SCARF2: variants seen among roughly 807,000 people sequenced by gnomAD.
SCARF2 encodes scavenger receptor class F member 2.
A neutral mutation model predicts 73.4 loss-of-function variants in SCARF2; 39 were observed. The observed-to-expected ratio is 0.53, with a 90% CI of 0.41 to 0.69. SCARF2 has a LOEUF of 0.69. Among genes scored for constraint, SCARF2 ranks in the 30% least tolerant of loss-of-function variants. The pLI is 0.00. For synonymous variants in SCARF2, 605 were observed against 590.0 expected (o/e 1.03, Z -0.37); for missense variants, 1,148 against 1,303.5 (o/e 0.88, Z 1.84).
At chr22:20,436,371 C>T (rs919288619) in intron 1 of SCARF2, among the ~76,000 whole-genome samples, 10 of 152,274 alleles carry the variant, frequency 6.6e-5, no homozygotes, top group East Asian at 3.9e-4. Flanking sequence ...CGCCCTCCCC[C>T]TCTCCAGGCA....
chr22:20,430,322 G>T, intron 6 of SCARF2, 107 bp downstream of exon 6: 1 of 1,360,840 alleles, frequency 7.3e-7, no homozygotes, highest in Non-Finnish European at 1.0e-6. Flanking sequence ...AAGGGACCAA[G>T]GCTGAGGTGA....
At chr22:20,427,674 G>T in intron 9 of SCARF2, 124 bp from the exon 10 acceptor site, 1 of 1,118,586 alleles carries the variant, frequency 8.9e-7, no homozygotes, top group Non-Finnish European at 1.3e-6. Context: ...GACTGCAGGG[G>T]GCACAGGCAA....
chr22:20,437,266 C>G (rs2052710706), intron 1 of SCARF2, among the ~76,000 whole-genome samples: 1 of 152,242 alleles, frequency 6.6e-6, no homozygotes, highest in African/African-American at 2.4e-5. Flanking sequence ...AGCTTTTCCC[C>G]GTGGACTTCA....
chr22:20,430,818 G>T lies in SCARF2; in HGVS notation c.945C>A (p.Asp315Glu). Reference sequence around the variant, plus strand: ...CATAGAAACCGGTGGCGCAAGGCTGGTCGCACTTGGTTCCGTTCCAGCCGG... The same window carrying T: ...CATAGAAACCGGTGGCGCAAGGCTGTTCGCACTTGGTTCCGTTCCAGCCGG... Reference protein sequence around the residue: ...CEPGWNGTKCDQPCATGFYGE... With the variant: ...CEPGWNGTKCEQPCATGFYGE... The change falls in exon 5 of 11, where the codon GAC becomes GAA. Residue 315 changes from aspartate to glutamate, a missense_variant. Coordinates refer to ENST00000622235, the MANE Select transcript of SCARF2 (RefSeq NM_182895.5). 6.2e-7 allele frequency: 1 copy of T among 1,607,166 alleles called. No individual in the cohort carries two copies. Among genetic ancestry groups the T allele is most frequent in the South Asian group, 1.1e-5 (1 of 90,224 alleles).
chr22:20,437,435 T>C (rs762361636), intron 1 of SCARF2, 147 bp downstream of exon 1: 84 of 851,502 alleles, frequency 9.9e-5, no homozygotes, highest in Non-Finnish European at 1.3e-4. Context: ...AGGCTGGGCC[T>C]GGAACGGAGC....
chr22:20,431,726 G>C lies in SCARF2; in HGVS notation c.334+19C>G, dbSNP rs757873027. 3.0e-6 allele frequency: 4 copies of C among 1,324,982 alleles called. No homozygotes were observed. In the Admixed American group the frequency reaches 9.5e-5, roughly 31 times the overall value. The allele number at this position is 1,324,982 out of a possible 1,614,324, so 82.1% of individuals were successfully genotyped here. A position where few individuals can be genotyped will look rare whatever the true frequency, so the allele number is the denominator to read the frequency against. ...GGATTCCGCCCCACCGACCAATACC[G>C]GCCCGACCCCACGCTCACTGGTGTC... On this transcript the variant is annotated intron_variant, in intron 3 of 10. Coordinates refer to ENST00000622235, the MANE Select transcript of SCARF2 (RefSeq NM_182895.5).
Position 20,437,603 on chromosome 22 carries a change from C to A in SCARF2, c.152G>T (p.Arg51Leu), listed in dbSNP as rs1334851080. The A allele has an allele frequency of 1.3e-6, 2 of 1,572,586 alleles. No homozygotes were observed. Among genetic ancestry groups the A allele is most frequent in the South Asian group, 1.1e-5 (1 of 87,040 alleles). The change falls in exon 1 of 11, where the codon CGC becomes CTC. Residue 51 changes from arginine to leucine, a missense_variant. By Grantham distance (102) the Arg-to-Leu change is moderately radical. This residue lies in a region of SCARF2 where 124 missense variants were observed against 120.4 expected (regional missense o/e 1.03). Coordinates refer to ENST00000622235, the MANE Select transcript of SCARF2 (RefSeq NM_182895.5). ...VAPQELNPRG[R>L]NVCRAPGSQV... is the part of the protein sequence containing the mutation. ...CTACCCGGGAGCACGGCACACGTTG[C>A]GGCCGCGAGGGTTCAGTTCCTGAGG...
At position 20,429,584 on chromosome 22, in the gene SCARF2, G is replaced by A. The variant is rs1234659301; in HGVS notation, c.1376C>T (p.Ser459Leu). Residue 459 changes from serine (S) to leucine (L), a missense_variant, in exon 8 of 11, where the codon TCG becomes TTG. Physicochemically the swap from Ser to Leu is moderately radical, Grantham distance 145 (BLOSUM62 -2). Coordinates refer to ENST00000622235, the MANE Select transcript of SCARF2 (RefSeq NM_182895.5). The surrounding 1 kb of genome is among the most constrained non-coding windows in gnomAD (Gnocchi z 5.2). ...GCAAGCGCAGCAGCAGCCGAGCAGCGAGAGCAGCAGGCAGACGAGCAGGAC... is the reference window on the plus strand; with the variant it reads ...GCAAGCGCAGCAGCAGCCGAGCAGCAAGAGCAGCAGGCAGACGAGCAGGAC... ...LLVLLVCLLLSLLGCCCACRG... is the reference protein window; with the variant it reads ...LLVLLVCLLLLLLGCCCACRG... 6.2e-7 allele frequency: 1 copy of A among 1,613,420 alleles called. No individual in the cohort carries two copies. Among genetic ancestry groups the A allele is most frequent in the South Asian group, 1.1e-5 (1 of 91,076 alleles).
In SCARF2 at chr22:20,427,400, T is replaced by G. The variant is rs779298541; in HGVS notation, c.1691A>C (p.Glu564Ala). 15 of 1,613,958 alleles carry G rather than the reference T, an allele frequency of 9.3e-6. No homozygotes were observed. The highest frequency in any genetic ancestry group is 3.3e-4 in the Middle Eastern group (2 of 6,068). Residue 564 changes from glutamate (E) to alanine (A), a missense_variant and splice_region_variant, in exon 10 of 11, where the codon GAG becomes GCG. Glu to Ala is a moderately radical substitution (Grantham distance 107). This residue lies in a region of SCARF2 where 437 missense variants were observed against 433.6 expected (regional missense o/e 1.01). Coordinates refer to ENST00000622235, the MANE Select transcript of SCARF2 (RefSeq NM_182895.5). Reference sequence around the variant, plus strand: ...TGCCCAGGTAGGGCCTTACTTACCCTCATGGGGTACACAGTACACAGGGCC... The same window carrying G: ...TGCCCAGGTAGGGCCTTACTTACCCGCATGGGGTACACAGTACACAGGGCC... ...DEGPVYCVPH[E>A]EAPAESRDPE... is the part of the protein sequence containing the mutation.
rs200023572 is a variant in SCARF2 at position 20,425,602 on chromosome 22, C to A, written c.2374G>T (p.Gly792Cys). The change falls in exon 11 of 11, where the codon GGC (glycine) becomes TGC (cysteine). Residue 792 changes from glycine (G) to cysteine (C), a missense_variant. Around this residue, in one of 5 missense-constraint regions of SCARF2, gnomAD observed 169 missense variants for 136.9 expected, o/e 1.23. Transcript: ENST00000622235. This position sits in a 1 kb window ranked among gnomAD's most constrained non-coding sequence, Gnocchi z 4.6. ...GRAEVALGAQ[G>C]PREKPAPPQK... is the part of the protein sequence containing the mutation. ...GGGGGCGCCGGCTTTTCCCTGGGGC[C>A]CTGCGCGCCCAGGGCCACCTCGGCG... 7.5e-7 allele frequency: 1 copy of A among 1,333,690 alleles called. No individual in the cohort carries two copies. Among genetic ancestry groups the A allele is most frequent in the Non-Finnish European group, 9.6e-7 (1 of 1,045,376 alleles). The allele number at this position is 1,333,690 out of a possible 1,614,324, so 82.6% of individuals were successfully genotyped here.
intron 9 of SCARF2, 46 bp from the exon 10 acceptor site, chr22:20,427,596 G>T: frequency 6.2e-7 from 1 of 1,606,206 alleles, no homozygotes; most frequent in Non-Finnish European, 8.5e-7. Context: ...CTCTGCCCCA[G>T]CCGGTGCCCT....
At chr22:20,432,047 C>A in intron 1 of SCARF2, 59 bp from the exon 2 acceptor site, 1 of 1,534,780 alleles carries the variant, frequency 6.5e-7, no homozygotes. Flanking sequence ...CCATCTGCTC[C>A]GGGCTCCTCC....
At chr22:20,430,996 C>A in intron 4 of SCARF2, 22 bp downstream of exon 4, 3 of 1,566,976 alleles carry the variant, frequency 1.9e-6, no homozygotes, top group East Asian at 4.7e-5. Context: ...TCCTCCCTCC[C>A]TGGCCGAGAG....
chr22:20,425,413 C>T lies in SCARF2; in HGVS notation c.2563G>A (p.Ala855Thr), dbSNP rs1293831358. The T allele has an allele frequency of 1.4e-6, 2 of 1,431,484 alleles. No homozygotes were observed. The highest frequency in any genetic ancestry group is 1.8e-6 in the Non-Finnish European group (2 of 1,090,146). The allele number at this position is 1,431,484 out of a possible 1,614,324, so 88.7% of individuals were successfully genotyped here. A position where few individuals can be genotyped will look rare whatever the true frequency, so the allele number is the denominator to read the frequency against. ...GCGCCCGCCCTGCCCAGCTCGCCCG[C>T]CGCCTCCCGGCTCTTCTTGCGCGGC... ...KPPRKKSREA[A>T]GELGRAGAPT... Residue 855 changes from alanine to threonine, a missense_variant, in exon 11 of 11, where the codon GCG becomes ACG. This residue lies in a region of SCARF2 where 169 missense variants were observed against 136.9 expected (regional missense o/e 1.23). Coordinates refer to ENST00000622235, the MANE Select transcript of SCARF2 (RefSeq NM_182895.5). The surrounding 1 kb of genome is among the most constrained non-coding windows in gnomAD (Gnocchi z 4.6).
chr22:20,427,891 G>C (rs1166686859), intron 9 of SCARF2, among the ~76,000 whole-genome samples: 1 of 152,330 alleles, frequency 6.6e-6, no homozygotes, highest in Admixed American at 6.5e-5. Context: ...GGCCACCAAG[G>C]CCTCCAAGCT....
In SCARF2 at chr22:20,430,861, C is replaced by A; in HGVS notation, c.902G>T (p.Arg301Leu). The change falls in exon 5 of 11, where the codon CGC becomes CTC. Residue 301 changes from arginine (R) to leucine (L), a missense_variant. This residue lies in a region of SCARF2 where 372 missense variants were observed against 532.0 expected (regional missense o/e 0.70). Coordinates refer to ENST00000622235, the MANE Select transcript of SCARF2 (RefSeq NM_182895.5). ...CCAGCCGGGCTCGCACGTCAAGCAG[C>A]GGCCCTCGGCCACCGTGCACGGCTG... ...GQQPCTVAEG[R>L]CLTCEPGWNG... 6.2e-7 allele frequency: 1 copy of A among 1,605,262 alleles called. No homozygotes were observed. The highest frequency in any genetic ancestry group is 8.5e-7 in the Non-Finnish European group (1 of 1,177,962).
rs1048670695 is a variant in SCARF2 at position 20,437,714 on chromosome 22, CGCCGCGCCGGCCCGGCCCCCCGGG to C, written c.17_40del (p.Pro6_Arg13del). The C allele has an allele frequency of 4.3e-6, 6 of 1,385,648 alleles. No homozygotes were observed. The highest frequency in any genetic ancestry group is 3.7e-6 in the Non-Finnish European group (4 of 1,075,216). 85.8% of individuals were successfully genotyped at this position (1,385,648 alleles called of 1,614,324 possible). ...TGACGGCGGCCCCCCGGCTCCCCGGCGCCGCGCCGGCCCGGCCCCCCGGGGCCCTGCGCCCTCCATGAGGCGCGG... is the reference window on the plus strand; with the variant it reads ...TGACGGCGGCCCCCCGGCTCCCCGGCGCCCTGCGCCCTCCATGAGGCGCGG... On this transcript the variant is annotated inframe_deletion, in exon 1 of 11. Transcript: ENST00000622235.
In SCARF2 at chr22:20,429,557, C is replaced by G; in HGVS notation, c.1403G>C (p.Arg468Pro). Residue 468 changes from arginine to proline, a missense_variant, in exon 8 of 11, where the codon CGC becomes CCC. Physicochemically the swap from Arg to Pro is moderately radical, Grantham distance 103. Transcript: ENST00000622235. This position sits in a 1 kb window ranked among gnomAD's most constrained non-coding sequence, Gnocchi z 5.2. ...LSLLGCCCAC[R>P]GKDPTRRELS... ...TCACCGGCGCGTAGGGTCCTTGCCG[C>G]GGCAAGCGCAGCAGCAGCCGAGCAG... 1 of 1,613,016 alleles carries G rather than the reference C, an allele frequency of 6.2e-7. No individual in the cohort carries two copies. Among genetic ancestry groups the G allele is most frequent in the Non-Finnish European group, 8.5e-7 (1 of 1,179,792 alleles).
In SCARF2 at chr22:20,425,492, C is replaced by T; in HGVS notation, c.2484G>A (p.Ala828=). ...GGGTCTCAGGCGCGGGCAAGTCGGT[C>T]GCCGCCTTCTCAGGCCCCGGGGTTT... is the stretch of plus-strand genomic sequence containing the variant. The part of the protein sequence containing the change: ...ATETPGPEKA[A]TDLPAPETPR... Residue 828 remains alanine, a synonymous_variant, in exon 11 of 11, where the codon GCG becomes GCA. Transcript: ENST00000622235. This position sits in a 1 kb window ranked among gnomAD's most constrained non-coding sequence, Gnocchi z 4.6. The T allele has an allele frequency of 5.9e-6, 8 of 1,364,498 alleles. No homozygotes were observed. The highest frequency in any genetic ancestry group is 7.6e-6 in the Non-Finnish European group (8 of 1,058,682). 84.5% of individuals were successfully genotyped at this position (1,364,498 alleles called of 1,614,324 possible). A position where few individuals can be genotyped will look rare whatever the true frequency, so the allele number is the denominator to read the frequency against.
Sources: gnomAD v4.1 joint callset for allele counts (sites outside exome capture counted in the v4.1 genomes callset) on GRCh38, gnomAD v4.1.1 for gene constraint, gnomAD v4.1.1 regional missense constraint, Gnocchi (gnomAD v3.1) non-coding constraint, MANE v1.5 for transcripts, NCBI Gene and HGNC (gene_info 2026-07-23, HGNC 2026-07-21) for gene names.